AHNAK: variants seen among roughly 807,000 people sequenced by gnomAD.
AHNAK encodes the protein AHNAK nucleoprotein.
AHNAK carries 23 observed loss-of-function variants against 37.8 expected under a neutral mutation model. The observed-to-expected ratio is 0.61, with a 90% CI of 0.44 to 0.86. AHNAK has a LOEUF of 0.86. Among genes scored for constraint, AHNAK ranks in the 40% least tolerant of loss-of-function variants. AHNAK has a pLI of 0.00. For synonymous variants in AHNAK, 2,481 were observed against 2,636.3 expected, an observed-to-expected ratio of 0.94 and a Z score of 1.80; for missense variants, 7,411 against 7,319.4, an observed-to-expected ratio of 1.01 and a Z score of -0.46.
rs778953932 is a variant in AHNAK, at chr11:62,528,767, A to T, written c.5650T>A (p.Leu1884Ile). Residue 1884 changes from leucine (L) to isoleucine (I), a missense_variant, in exon 5 of 5, where the codon TTA becomes ATA. Coordinates refer to ENST00000378024, the MANE Select transcript of AHNAK (RefSeq NM_001620.3). ...DVSVPKLEGD[L>I]TGPSVGVEVP... ...TCCACACCCACACTGGGGCCTGTTA[A>T]ATCTCCCTCCAATTTTGGCACCGAC... is the stretch of plus-strand genomic sequence containing the variant. 3 of 1,599,182 alleles carry T rather than the reference A, an allele frequency of 1.9e-6. No individual in the cohort carries two copies. The highest frequency in any genetic ancestry group is 1.7e-6 in the Non-Finnish European group (2 of 1,175,294).
chr11:62,489,015 T>C (rs1374563592), intron 5 of AHNAK, among the ~76,000 whole-genome samples: 1 of 151,294 alleles, frequency 6.6e-6, no homozygotes, highest in Non-Finnish European at 1.5e-5. Context: ...CCCAGGCGGG[T>C]GGATCACAAG....
At position 62,531,872 on chromosome 11, in the gene AHNAK, C is replaced by A. The variant is rs756846699; in HGVS notation, c.2545G>T (p.Val849Phe). 32 of 1,613,148 alleles carry A rather than the reference C, an allele frequency of 2.0e-5. No homozygotes were observed. Among genetic ancestry groups the A allele is most frequent in the Non-Finnish European group, 2.6e-5 (31 of 1,179,890 alleles). ...TMPKVESEIK[V>F]PDVELKSAKM... ...GCACTTTTAAGTTCAACATCAGGAA[C>A]TTTAATCTCACTTTCAACCTTTGGC... Residue 849 changes from valine to phenylalanine, a missense_variant, in exon 5 of 5, where the codon GTT becomes TTT. Coordinates refer to ENST00000378024, the MANE Select transcript of AHNAK (RefSeq NM_001620.3).
At chr11:62,541,785 G>T (rs1941132703) in intron 1 of AHNAK, 1 of 152,218 alleles carries the variant, frequency 6.6e-6, no homozygotes, top group South Asian at 2.1e-4. Flanking sequence ...GCCCAAGTGT[G>T]AGACAGAGTT....
At chr11:62,446,439 G>A (rs1428782081) in intron 5 of AHNAK, among the ~76,000 whole-genome samples, 3 of 152,284 alleles carry the variant, frequency 2.0e-5, no homozygotes, top group South Asian at 2.1e-4. Flanking sequence ...GGGTGGTTCC[G>A]TTCGTCCAAA....
At chr11:62,466,014 C>T (rs7928670) in intron 5 of AHNAK, among the ~76,000 whole-genome samples, 31 of 152,228 alleles carry the variant, frequency 2.0e-4, no homozygotes, top group African/African-American at 6.7e-4. Flanking sequence ...ACTAATACAA[C>T]CCTCAATTTA....
rs745623224 is a variant in AHNAK at position 62,522,660 on chromosome 11, T to C, written c.11757A>G (p.Pro3919=). ...AGTCTGGGCCTCGAACATCCACATCTGGGGCATTAATATCCACTTTGGGGC... is the reference window on the plus strand; with the variant it reads ...AGTCTGGGCCTCGAACATCCACATCCGGGGCATTAATATCCACTTTGGGGC... The part of the protein sequence containing the change: ...IKGPKVDINA[P]DVDVRGPDWH... The change falls in exon 5 of 5, where the codon CCA becomes CCG. Residue 3919 remains proline (P), a synonymous_variant. Transcript: ENST00000378024. The C allele has an allele frequency of 6.2e-7, 1 of 1,613,104 alleles. No individual in the cohort carries two copies. The highest frequency in any genetic ancestry group is 8.5e-7 in the Non-Finnish European group (1 of 1,179,826).
chr11:62,526,876 T>C lies in AHNAK; in HGVS notation c.7541A>G (p.Lys2514Arg), dbSNP rs1390748571. ...PDWHLKMPKM[K>R]MPKFSMPGFK... The stretch of plus-strand genomic sequence containing the variant: ...GCCAGGCATGCTGAACTTGGGCATT[T>C]TCATCTTGGGCATCTTCAGGTGCCA... The change falls in exon 5 of 5, where the codon AAA becomes AGA. Residue 2514 changes from lysine to arginine, a missense_variant. Lys to Arg is a conservative substitution (Grantham distance 26, BLOSUM62 2). Transcript: ENST00000378024. 48 of 1,613,974 alleles carry C rather than the reference T, an allele frequency of 3.0e-5. No individual in the cohort carries two copies. The highest frequency in any genetic ancestry group is 3.8e-5 in the Non-Finnish European group (45 of 1,180,020).
rs1274578726 is a variant in AHNAK, at chr11:62,528,523, A to C, written c.5894T>G (p.Leu1965Arg). The C allele has an allele frequency of 6.8e-6, 11 of 1,612,094 alleles. No individual in the cohort carries two copies. Among genetic ancestry groups the C allele is most frequent in the African/African-American group, 6.7e-5 (5 of 74,504 alleles). The change falls in exon 5 of 5, where the codon CTG becomes CGG. Residue 1965 changes from leucine to arginine, a missense_variant. Leu to Arg is a moderately radical substitution (Grantham distance 102). Transcript: ENST00000378024. ...TTTCAACTTTGCATCAGGACACTCC[A>C]GCTCAACATCAGGCACCTCCACACC... ...SVGVEVPDVELECPDAKLKGP... is the reference protein window; with the variant it reads ...SVGVEVPDVERECPDAKLKGP...
intron 4 of AHNAK, among the ~76,000 whole-genome samples, chr11:62,494,944 G>A (rs1275366605): frequency 2.0e-5 from 3 of 149,708 alleles, no homozygotes; most frequent in South Asian, 4.2e-4. Flanking sequence ...AGGTTGCAGT[G>A]AGCCAAGATT....
At chr11:62,499,410 G>A (rs1006033558) in intron 4 of AHNAK, among the ~76,000 whole-genome samples, 1 of 152,124 alleles carries the variant, frequency 6.6e-6, no homozygotes, top group African/African-American at 2.4e-5. Context: ...AATTAACTGG[G>A]CATGGTATCG....
At position 62,519,672 on chromosome 11, in the gene AHNAK, T is replaced by C; in HGVS notation, c.14745A>G (p.Lys4915=). ...KMPSLEISAP[K]VTAPDVDLHL... ...GCAAATCAACATCAGGAGCAGTTAC[T>C]TTAGGAGCAGATATCTCCAGCGATG... Residue 4915 remains lysine, a synonymous_variant, in exon 5 of 5, where the codon AAA becomes AAG. Coordinates refer to ENST00000378024, the MANE Select transcript of AHNAK (RefSeq NM_001620.3). 1 of 1,614,026 alleles carries C rather than the reference T, an allele frequency of 6.2e-7. No individual in the cohort carries two copies. The highest frequency in any genetic ancestry group is 1.1e-5 in the South Asian group (1 of 91,034).
chr11:62,486,196 C>T (rs574559929), intron 5 of AHNAK, among the ~76,000 whole-genome samples: 1 of 152,102 alleles, frequency 6.6e-6, no homozygotes, highest in African/African-American at 2.4e-5. Context: ...AAGTAGCAGC[C>T]AGGCATGGTG....
At position 62,479,728 on chromosome 11, in the gene AHNAK, C is replaced by T. The variant is rs74721628; in HGVS notation, c.442+12004G>A. Among the ~76,000 whole-genome samples the T allele has an allele frequency of 3.4e-3, 517 of 152,200 alleles. 4 individuals are homozygous for T. Among genetic ancestry groups the T allele is most frequent in the African/African-American group, 0.012 (495 of 41,518 alleles). On this transcript the variant is annotated intron_variant, in intron 5 of 5. Coordinates refer to the AHNAK transcript ENST00000257247. ...AAATGCCTTCCATTCCCTTCTTCCACGACGCACGAAACAGATAAGGCATGA... is the reference window on the plus strand; with the variant it reads ...AAATGCCTTCCATTCCCTTCTTCCATGACGCACGAAACAGATAAGGCATGA...
At chr11:62,454,342 G>A (rs1178202819) in intron 5 of AHNAK, among the ~76,000 whole-genome samples, 8 of 151,504 alleles carry the variant, frequency 5.3e-5, no homozygotes, top group Admixed American at 3.3e-4. Context: ...GAACCCGGGA[G>A]GCGGAGCTTG....
chr11:62,508,040 C>T (rs1374402767), intron 4 of AHNAK, among the ~76,000 whole-genome samples: 1 of 152,156 alleles, frequency 6.6e-6, no homozygotes, highest in Non-Finnish European at 1.5e-5. Context: ...AATTCCTGGC[C>T]TCAAGTGATC....
In AHNAK at chr11:62,535,056, C is replaced by G; in HGVS notation, c.289G>C (p.Gly97Arg). The G allele has an allele frequency of 1.2e-6, 2 of 1,613,840 alleles. No homozygotes were observed. The highest frequency in any genetic ancestry group is 1.7e-6 in the Non-Finnish European group (2 of 1,179,794). ...HRKGDRSPEP[G>R]QTWTREVFSS... ...AAGACTTCACGGGTCCAGGTCTGGCCAGGCTCGGGAGAGCGGTCCCCCTTG... is the reference window on the plus strand; with the variant it reads ...AAGACTTCACGGGTCCAGGTCTGGCGAGGCTCGGGAGAGCGGTCCCCCTTG... The change falls in exon 4 of 5, where the codon GGC becomes CGC. Residue 97 changes from glycine (G) to arginine (R), a missense_variant. Coordinates refer to ENST00000378024, the MANE Select transcript of AHNAK (RefSeq NM_001620.3).
At chr11:62,497,183 A>T (rs951768260) in intron 4 of AHNAK, among the ~76,000 whole-genome samples, 4 of 152,236 alleles carry the variant, frequency 2.6e-5, no homozygotes, top group African/African-American at 9.6e-5. Context: ...GTCAAAACCA[A>T]CAACTGCTAA....
intron 5 of AHNAK, among the ~76,000 whole-genome samples, chr11:62,490,358 C>T (rs1295470992): frequency 5.3e-5 from 8 of 151,798 alleles, no homozygotes; most frequent in African/African-American, 1.4e-4. Flanking sequence ...TGCGCCACCA[C>T]GCCCGGCTAA....
Position 62,517,447 on chromosome 11 carries a change from G to T in AHNAK, c.16970C>A (p.Thr5657Lys). 6.2e-7 allele frequency: 1 copy of T among 1,614,160 alleles called. No homozygotes were observed. Among genetic ancestry groups the T allele is most frequent in the South Asian group, 1.1e-5 (1 of 91,074 alleles). The part of the protein sequence containing the change: ...GHLESGSGKV[T>K]FPKMKIPKFT... ...TTTGGGGATCTTCATTTTAGGGAAT[G>T]TTACTTTTCCAGATCCACTTTCCAA... Residue 5657 changes from threonine (T) to lysine (K), a missense_variant, in exon 5 of 5, where the codon ACA (threonine) becomes AAA (lysine). Physicochemically the swap from Thr to Lys is moderately conservative, Grantham distance 78. Coordinates refer to ENST00000378024, the MANE Select transcript of AHNAK (RefSeq NM_001620.3).
Sources: allele counts gnomAD v4.1 joint callset (sites outside exome capture counted in the v4.1 genomes callset), GRCh38; gene constraint gnomAD v4.1.1; transcripts MANE v1.5; gene names NCBI Gene and HGNC (gene_info 2026-07-23, HGNC 2026-07-21).